The following GGNBP2 variants were observed in gnomAD, a reference collection of about 807,000 sequenced individuals.
The protein encoded by GGNBP2 is gametogenetin-binding protein 2.
In GGNBP2, 10 loss-of-function variants were observed where a neutral mutation model predicts 85.9. The ratio of observed to expected loss-of-function variants is 0.12; its 90% CI spans 0.07 to 0.20. GGNBP2 has a LOEUF of 0.20. Ranked by LOEUF, GGNBP2 falls within the 10% of genes least tolerant of loss-of-function variation. The pLI, the probability that GGNBP2 is intolerant of heterozygous loss-of-function variation, is 1.00. For missense variants in GGNBP2, 595 were observed against 857.8 expected (o/e 0.69, Z 3.83); for synonymous variants, 287 against 285.7 (o/e 1.00, Z -0.05).
chr17:36,546,078 C>G (rs1599489026), intron 2 of GGNBP2: 1 of 448,434 alleles, frequency 2.2e-6, no homozygotes, highest in East Asian at 3.3e-5. Context: ...TGACCCTTTC[C>G]CTTTAGGAGA....
chr17:36,553,893 C>A (rs1455829562), intron 2 of GGNBP2, among the ~76,000 whole-genome samples: 2 of 152,140 alleles, frequency 1.3e-5, no homozygotes, highest in Non-Finnish European at 2.9e-5. Context: ...GTACTAATTA[C>A]ACATTCCCAT....
chr17:36,555,535 A>G (rs371674058), intron 3 of GGNBP2, among the ~76,000 whole-genome samples: 227 of 152,268 alleles, frequency 1.5e-3, no homozygotes, highest in African/African-American at 5.4e-3. Flanking sequence ...TTCTACAGAA[A>G]ATGCAAAAAA....
intron 2 of GGNBP2, among the ~76,000 whole-genome samples, chr17:36,551,497 T>G (rs1397418027): frequency 6.6e-6 from 1 of 151,796 alleles, no homozygotes; most frequent in East Asian, 1.9e-4. Flanking sequence ...AGCCACCGGC[T>G]TCTTTATTGA....
At chr17:36,560,672 G>T in intron 4 of GGNBP2, 101 bp from the exon 5 acceptor site, 3 of 668,784 alleles carry the variant, frequency 4.5e-6, no homozygotes, top group Admixed American at 3.4e-5. Flanking sequence ...TGGTTTTTTT[G>T]TGTTTTGTTT....
chr17:36,558,219 GC>G (rs1258464090), intron 4 of GGNBP2, among the ~76,000 whole-genome samples: 2 of 151,678 alleles, frequency 1.3e-5, no homozygotes, highest in Non-Finnish European at 2.9e-5. Flanking sequence ...TTCAAGACTA[GC>G]CTGGGCAACA....
intron 6 of GGNBP2, chr17:36,575,314 A>T: frequency 2.2e-6 from 1 of 461,008 alleles, no homozygotes; most frequent in Non-Finnish European, 4.0e-6. Context: ...TGCCACCAGC[A>T]TCATCTGCCA....
chr17:36,550,435 G>T (rs577474114), intron 2 of GGNBP2, among the ~76,000 whole-genome samples: 2 of 152,244 alleles, frequency 1.3e-5, no homozygotes, highest in African/African-American at 4.8e-5. Flanking sequence ...TTGGGAATTA[G>T]ATGTTTTGTA....
chr17:36,558,395 CAA>C (rs1414270399), intron 4 of GGNBP2, among the ~76,000 whole-genome samples: 6 of 38,948 alleles, frequency 1.5e-4, no homozygotes, highest in African/African-American at 5.3e-4. Flanking sequence ...GCCTGGGCAA[CAA>C]GAGTAAAGCT....
intron 9 of GGNBP2, among the ~76,000 whole-genome samples, 165 bp from the exon 10 acceptor site, chr17:36,585,135 A>G (rs559470520): frequency 1.3e-5 from 2 of 152,216 alleles, no homozygotes; most frequent in Non-Finnish European, 2.9e-5. Context: ...TGTGCTAAGG[A>G]CTAATATCTT....
intron 1 of GGNBP2, 146 bp from the exon 2 acceptor site, chr17:36,545,473 G>A (rs1305429579): frequency 9.7e-6 from 4 of 412,090 alleles, no homozygotes; most frequent in Non-Finnish European, 1.7e-5. Context: ...GCGGCGCTGG[G>A]CGCTGATTGG....
In GGNBP2 at chr17:36,587,008, T is replaced by C; in HGVS notation, c.1653T>C (p.Leu551=). The change falls in exon 13 of 14, where the codon CTT becomes CTC. Residue 551 remains leucine, a synonymous_variant. Transcript: ENST00000613102. The part of the protein sequence containing the change: ...ILKCDEHIQK[L]GSCITDPGNR... ...TGCTGTGGTATCAGATCCAGAAGCT[T>C]GGAAGCTGTATTACAGATCCAGGTA... The C allele has an allele frequency of 6.2e-7, 1 of 1,613,596 alleles. No homozygotes were observed. Among genetic ancestry groups the C allele is most frequent in the Non-Finnish European group, 8.5e-7 (1 of 1,179,780 alleles).
At chr17:36,582,128 C>G (rs1033006932) in intron 9 of GGNBP2, 2 of 152,250 alleles carry the variant, frequency 1.3e-5, no homozygotes, top group African/African-American at 4.8e-5. Flanking sequence ...ATTCTCCCAC[C>G]TCAGCCTCCC....
intron 7 of GGNBP2, chr17:36,578,828 G>C (rs76474979): frequency 0.014 from 2,208 of 158,528 alleles, 27 homozygotes; most frequent in Non-Finnish European, 0.018. Context: ...CCTGGTGGAG[G>C]ACTCTTGCCC....
At chr17:36,580,393 T>G (rs1232180292) in intron 8 of GGNBP2, among the ~76,000 whole-genome samples, 1 of 151,428 alleles carries the variant, frequency 6.6e-6, no homozygotes, top group Non-Finnish European at 1.5e-5. Context: ...GTATTTTTAG[T>G]AGAGACAGGG....
In GGNBP2 at chr17:36,585,394, C is replaced by T; in HGVS notation, c.1310C>T (p.Thr437Ile). 6.2e-7 allele frequency: 1 copy of T among 1,611,752 alleles called. No homozygotes were observed. The highest frequency in any genetic ancestry group is 8.5e-7 in the Non-Finnish European group (1 of 1,178,134). The change falls in exon 10 of 14, where the codon ACA becomes ATA. Residue 437 changes from threonine (T) to isoleucine (I), a missense_variant. Around this residue, in one of 9 missense-constraint regions of GGNBP2, gnomAD observed 85 missense variants for 92.6 expected, o/e 0.92. Transcript: ENST00000613102. ...GAAGTAATTGTTACCAATGAAAATA[C>T]ATCATGTACCTGTCCTAGCAGTGGC... Reference protein sequence around the residue: ...CVEVIVTNENTSCTCPSSGNL... With the variant: ...CVEVIVTNENISCTCPSSGNL...
Position 36,585,852 on chromosome 17 carries a change from A to G in GGNBP2, c.1379A>G (p.His460Arg). The change falls in exon 11 of 14, where the codon CAC (histidine) becomes CGC (arginine). Residue 460 changes from histidine (H) to arginine (R), a missense_variant. Around this residue, in one of 9 missense-constraint regions of GGNBP2, gnomAD observed 85 missense variants for 92.6 expected, o/e 0.92. Transcript: ENST00000613102. Reference sequence around the variant, plus strand: ...GATTTATTCTCAGGCTTATCTCCACACTGTAATGGTAGTGATTGTGGATAT... The same window carrying G: ...GATTTATTCTCAGGCTTATCTCCACGCTGTAATGGTAGTGATTGTGGATAT... ...SPKIKKGLSP[H>R]CNGSDCGYSS... 6.2e-7 allele frequency: 1 copy of G among 1,613,260 alleles called. No individual in the cohort carries two copies. The highest frequency in any genetic ancestry group is 8.5e-7 in the Non-Finnish European group (1 of 1,179,408).
At chr17:36,553,080 T>C (rs1237382241) in intron 2 of GGNBP2, among the ~76,000 whole-genome samples, 2 of 149,820 alleles carry the variant, frequency 1.3e-5, no homozygotes, top group Non-Finnish European at 3.0e-5. Flanking sequence ...CATGGTATAG[T>C]GAATATAGAA....
chr17:36,577,911 A>G (rs781006833), intron 6 of GGNBP2, 72 bp from the exon 7 acceptor site: 6 of 1,163,270 alleles, frequency 5.2e-6, no homozygotes, highest in East Asian at 4.7e-5. Context: ...GCCATCATCT[A>G]GTACACTGTT....
intron 12 of GGNBP2, chr17:36,586,445 A>T: frequency 2.0e-6 from 1 of 490,186 alleles, no homozygotes; most frequent in Non-Finnish European, 3.7e-6. Flanking sequence ...TTAAAATTAT[A>T]AGCTGTGTAA....
Sources: gnomAD v4.1 joint callset for allele counts (sites outside exome capture counted in the v4.1 genomes callset) on GRCh38, gnomAD v4.1.1 for gene constraint, gnomAD v4.1.1 regional missense constraint, MANE v1.5 for transcripts, NCBI Gene and HGNC (gene_info 2026-07-23, HGNC 2026-07-21) for gene names.